The following KIF25 variants were observed in gnomAD, a reference collection of about 807,000 sequenced individuals.
The protein encoded by KIF25 is kinesin family member 25, also known as kinesin-like protein KIF25.
KIF25 carries 19 observed loss-of-function variants against 32.9 expected under a neutral mutation model. That is an observed-to-expected ratio of 0.58 (90% CI 0.40 to 0.85). The LOEUF (loss-of-function observed/expected upper bound fraction) is 0.85, where lower values mean the gene tolerates loss of function less well. KIF25 is among the 40% of genes least tolerant of loss of function. The pLI is 0.00. For missense variants in KIF25, 485 were observed against 507.0 expected (o/e 0.96, Z 0.42); for synonymous variants, 225 against 213.7 (o/e 1.05, Z -0.46).
At chr6:168,016,985 A>G (rs947987884) in intron 4 of KIF25, among the ~76,000 whole-genome samples, 8 of 152,236 alleles carry the variant, frequency 5.3e-5, no homozygotes, top group Non-Finnish European at 1.2e-4. Flanking sequence ...ACCTCTGGCA[A>G]GACAGGACAG....
intron 8 of KIF25, among the ~76,000 whole-genome samples, chr6:168,035,444 AGGCGGGAACGGCGCTGCGGGG>A (rs1799005098): frequency 5.7e-5 from 1 of 17,504 alleles, no homozygotes; most frequent in Admixed American, 6.5e-4. Flanking sequence ...GCGGCGGAGG[AGGCGGGAACGGCGCTGCGGGG>A]GGGGCGGGAA....
At chr6:168,043,823 C>G (rs1799169070) in intron 12 of KIF25, among the ~76,000 whole-genome samples, 1 of 152,196 alleles carries the variant, frequency 6.6e-6, no homozygotes, top group African/African-American at 2.4e-5. Flanking sequence ...CCTTCCTTCT[C>G]CACTGTTTTT....
chr6:168,043,193 T>C (rs1799156967), intron 12 of KIF25, among the ~76,000 whole-genome samples: 2 of 152,190 alleles, frequency 1.3e-5, no homozygotes, highest in Admixed American at 1.3e-4. Context: ...CAGCTGTGGC[T>C]GGATCTGGGC....
intron 4 of KIF25, among the ~76,000 whole-genome samples, chr6:168,009,583 T>C (rs1243089521): frequency 1.3e-5 from 2 of 152,138 alleles, no homozygotes; most frequent in African/African-American, 2.4e-5. Context: ...ATGCTGGCCT[T>C]GTAGAATGAG....
At chr6:168,031,158 A>T (rs997732442) in intron 7 of KIF25, among the ~76,000 whole-genome samples, 3 of 152,206 alleles carry the variant, frequency 2.0e-5, no homozygotes, top group Admixed American at 1.3e-4. Flanking sequence ...TCTCTCTGGG[A>T]TTCTAACATT....
chr6:168,005,087 A>C (rs2114867169), intron 4 of KIF25, among the ~76,000 whole-genome samples: 1 of 152,190 alleles, frequency 6.6e-6, no homozygotes, highest in South Asian at 2.1e-4. Flanking sequence ...CCTGGTGTGC[A>C]CGAGCCACCT....
intron 4 of KIF25, among the ~76,000 whole-genome samples, chr6:168,008,745 CT>C (rs1798610108): frequency 6.6e-6 from 1 of 152,128 alleles, no homozygotes; most frequent in African/African-American, 2.4e-5. Context: ...TCTTCAATTT[CT>C]TTCATTAGTG....
chr6:168,009,713 T>G (rs1339127458), intron 4 of KIF25, among the ~76,000 whole-genome samples: 2 of 152,122 alleles, frequency 1.3e-5, no homozygotes, highest in Non-Finnish European at 2.9e-5. Context: ...TAGACTTTTC[T>G]TCATTAGAAG....
chr6:168,031,500 G>A (rs1798941589), intron 7 of KIF25, among the ~76,000 whole-genome samples: 1 of 152,168 alleles, frequency 6.6e-6, no homozygotes, highest in Non-Finnish European at 1.5e-5. Context: ...AGTGTGCTGC[G>A]CGTCCCAAAG....
At chr6:168,005,189 G>C (rs1798562918) in intron 4 of KIF25, among the ~76,000 whole-genome samples, 2 of 152,166 alleles carry the variant, frequency 1.3e-5, no homozygotes, top group Non-Finnish European at 2.9e-5. Flanking sequence ...GGGACAGTGG[G>C]GGAAGTCCGA....
At chr6:168,022,077 G>A (rs963152300) in intron 5 of KIF25, among the ~76,000 whole-genome samples, 4 of 152,052 alleles carry the variant, frequency 2.6e-5, no homozygotes, top group African/African-American at 9.7e-5. Context: ...CAATTATCAG[G>A]CAAAATCTTT....
intron 6 of KIF25, among the ~76,000 whole-genome samples, chr6:168,030,231 A>G (rs9455938): frequency 0.27 from 40,854 of 152,062 alleles, 5,842 homozygotes; most frequent in East Asian, 0.5. Context: ...CATGATATCA[A>G]TTCAAGTTCT....
intron 6 of KIF25, among the ~76,000 whole-genome samples, chr6:168,030,050 A>T (rs1798919322): frequency 6.6e-6 from 1 of 152,242 alleles, no homozygotes; most frequent in South Asian, 2.1e-4. Flanking sequence ...AAGTGCAACC[A>T]ACCACCAGTG....
chr6:168,016,952 G>A (rs1431730284), intron 4 of KIF25, among the ~76,000 whole-genome samples: 1 of 152,224 alleles, frequency 6.6e-6, no homozygotes. Context: ...TGAGAGACAC[G>A]CCGGGGATTC....
chr6:168,039,355 G>T (rs1028815130), intron 9 of KIF25, among the ~76,000 whole-genome samples: 8 of 152,200 alleles, frequency 5.3e-5, no homozygotes, highest in Non-Finnish European at 1.2e-4. Context: ...GTAAAAGTGA[G>T]GATCCCCCAT....
At position 168,014,330 on chromosome 6, in the gene KIF25, C is replaced by T. The variant is rs542915266; in HGVS notation, c.-162-3643C>T. ...TGTTTGTTGTTACTGTTCCTTGTTA[C>T]TTTATTCATTCTCTTGGCAGTCCTC... On this transcript the variant is annotated intron_variant, in intron 4 of 12. Transcript: ENST00000643607. Among the ~76,000 whole-genome samples the T allele has an allele frequency of 4.6e-5, 7 of 152,286 alleles. No homozygotes were observed. The South Asian group carries it at 1.2e-3, about 27-fold the overall frequency.
At chr6:168,003,280 G>A (rs754068396) in intron 3 of KIF25, among the ~76,000 whole-genome samples, 5 of 152,182 alleles carry the variant, frequency 3.3e-5, no homozygotes, top group Non-Finnish European at 5.9e-5. Flanking sequence ...AAGACAAAAG[G>A]GGGTGGGGAA....
chr6:168,002,760 A>G (rs141610754), intron 3 of KIF25, 101 bp downstream of exon 3: 4 of 152,230 alleles, frequency 2.6e-5, no homozygotes, highest in Admixed American at 6.5e-5. Flanking sequence ...ACACTGTAAT[A>G]TACAACAAAA....
intron 11 of KIF25, 70 bp from the exon 12 acceptor site, chr6:168,042,491 G>T (rs1356691212): frequency 1.3e-5 from 20 of 1,559,264 alleles, no homozygotes; most frequent in Non-Finnish European, 1.7e-5. Context: ...CTCCTCCCAA[G>T]GAGCCGGTTT....
Sources: allele counts gnomAD v4.1 joint callset (sites outside exome capture counted in the v4.1 genomes callset), GRCh38; gene constraint gnomAD v4.1.1; transcripts MANE v1.5; gene names NCBI Gene and HGNC (gene_info 2026-07-23, HGNC 2026-07-21).